Variants in HRH1 observed in about 807,000 individuals in gnomAD.
The protein encoded by HRH1 is histamine receptor H1.
A neutral mutation model predicts 10.3 loss-of-function variants in HRH1; 6 were observed. The ratio of observed to expected loss-of-function variants is 0.58; its 90% CI spans 0.32 to 1.15. The LOEUF (loss-of-function observed/expected upper bound fraction) is 1.15, where lower values mean the gene tolerates loss of function less well. Ranked by LOEUF, HRH1 falls within the 50% of genes most tolerant of loss-of-function variation. The pLI is 0.05. For synonymous variants in HRH1, 242 were observed against 236.7 expected, an observed-to-expected ratio of 1.02 and a Z score of -0.21; for missense variants, 514 against 615.3, an observed-to-expected ratio of 0.84 and a Z score of 1.74.
At chr3:11,215,166 C>G (rs1938446754) in intron 1 of HRH1, among the ~76,000 whole-genome samples, 1 of 152,154 alleles carries the variant, frequency 6.6e-6, no homozygotes. Context: ...AGGCTTTTAC[C>G]CTTGTCTGAT....
intron 1 of HRH1, among the ~76,000 whole-genome samples, chr3:11,192,491 G>T (rs1937561034): frequency 2.0e-5 from 3 of 152,170 alleles, no homozygotes; most frequent in Non-Finnish European, 4.4e-5. Flanking sequence ...GTAGGTGCAG[G>T]GTGCCCCATT....
chr3:11,225,334 C>G (rs1054172923), intron 1 of HRH1, among the ~76,000 whole-genome samples: 1 of 152,166 alleles, frequency 6.6e-6, no homozygotes, highest in Non-Finnish European at 1.5e-5. Flanking sequence ...CAGGCCTGGC[C>G]GGCTGGAGTC....
At chr3:11,239,549 T>A (rs1939278828) in intron 1 of HRH1, among the ~76,000 whole-genome samples, 2 of 152,224 alleles carry the variant, frequency 1.3e-5, no homozygotes, top group South Asian at 4.1e-4. Context: ...TTTTAAAAAT[T>A]CCTTATGCCT....
intron 1 of HRH1, among the ~76,000 whole-genome samples, chr3:11,211,774 C>G (rs1938334597): frequency 6.6e-6 from 1 of 152,210 alleles, no homozygotes; most frequent in Non-Finnish European, 1.5e-5. Context: ...AAATGTGCCT[C>G]CCTGTGGTCT....
intron 1 of HRH1, among the ~76,000 whole-genome samples, chr3:11,200,509 G>GAGGCC (rs1272826657): frequency 2.0e-5 from 3 of 152,124 alleles, no homozygotes; most frequent in Non-Finnish European, 4.4e-5. Flanking sequence ...AAGCTTCCTA[G>GAGGCC]AGGCCAGGCC....
At chr3:11,195,232 C>CA in intron 1 of HRH1, among the ~76,000 whole-genome samples, 1 of 152,180 alleles carries the variant, frequency 6.6e-6, no homozygotes, top group Non-Finnish European at 1.5e-5. Context: ...AAAACATCGT[C>CA]AAAAGTGGTT....
chr3:11,196,953 C>CAAAAAAAA (rs35134148), intron 1 of HRH1, among the ~76,000 whole-genome samples: 335 of 110,230 alleles, frequency 3.0e-3, no homozygotes, highest in Non-Finnish European at 3.4e-3. Context: ...ACTAAAAATA[C>CAAAAAAAA]AAAAAAAAAA....
intron 1 of HRH1, among the ~76,000 whole-genome samples, chr3:11,251,832 C>T (rs2152586601): frequency 6.6e-6 from 1 of 152,328 alleles, no homozygotes; most frequent in South Asian, 2.1e-4. Context: ...AATGGGGTTT[C>T]CTCCAAAAGT....
intron 1 of HRH1, among the ~76,000 whole-genome samples, chr3:11,258,607 T>C (rs1939847725): frequency 6.6e-6 from 1 of 152,188 alleles, no homozygotes; most frequent in Non-Finnish European, 1.5e-5. Flanking sequence ...TCTGCCACTG[T>C]AAAGAGGAAC....
Position 11,260,070 on chromosome 3 carries a change from G to A in HRH1, c.1033G>A (p.Glu345Lys), listed in dbSNP as rs761463073. Residue 345 changes from glutamate to lysine, a missense_variant, in exon 2 of 2, where the codon GAG (glutamate) becomes AAG (lysine). Physicochemically the swap from Glu to Lys is moderately conservative, Grantham distance 56 (BLOSUM62 1). Transcript: ENST00000431010. ...EQGLNTHGASEISEDQMLGDS... is the reference protein window; with the variant it reads ...EQGLNTHGASKISEDQMLGDS... ...GGGCCTGAACACACATGGGGCCAGCGAGATATCAGAGGATCAGATGTTAGG... is the reference window on the plus strand; with the variant it reads ...GGGCCTGAACACACATGGGGCCAGCAAGATATCAGAGGATCAGATGTTAGG... The A allele has an allele frequency of 1.7e-5, 27 of 1,614,000 alleles. No individual in the cohort carries two copies. In the East Asian group the frequency reaches 5.6e-4, roughly 33 times the overall value.
At chr3:11,185,735 G>A (rs380855) in intron 1 of HRH1, among the ~76,000 whole-genome samples, 19,303 of 152,192 alleles carry the variant, frequency 0.13, 1,551 homozygotes, top group Middle Eastern at 0.19. Context: ...GATGACACAG[G>A]CCAATAGTGG....
chr3:11,153,578 G>A (rs1936701038), upstream of HRH1, among the ~76,000 whole-genome samples: 3 of 148,230 alleles, frequency 2.0e-5, no homozygotes, highest in South Asian at 6.4e-4. Flanking sequence ...CTTCGAAACT[G>A]CTGGGGTAAA....
At chr3:11,168,627 A>G (rs1937093551) in intron 1 of HRH1, among the ~76,000 whole-genome samples, 1 of 152,228 alleles carries the variant, frequency 6.6e-6, no homozygotes, top group South Asian at 2.1e-4. Flanking sequence ...CATGAGCGTA[A>G]TCGTTGTGCC....
rs992659974 is a variant in HRH1, at chr3:11,261,055, C to T, written c.*554C>T. ...GACAGCTGTTCCACAGGGGCTATCC[C>T]TTCTCAGAAAACTTCTCTTCTGAGC... On this transcript the variant is annotated 3_prime_UTR_variant, in exon 2 of 2. Transcript: ENST00000431010. The T allele has an allele frequency of 1.2e-5, 2 of 167,290 alleles. No homozygotes were observed. Among genetic ancestry groups the T allele is most frequent in the African/African-American group, 4.8e-5 (2 of 41,458 alleles). The allele number at this position is 167,290 out of a possible 1,614,324, so 10.4% of individuals were successfully genotyped here.
chr3:11,199,298 T>G (rs1937804750), intron 1 of HRH1, among the ~76,000 whole-genome samples: 1 of 152,120 alleles, frequency 6.6e-6, no homozygotes, highest in Non-Finnish European at 1.5e-5. Flanking sequence ...ACCCCAGGAT[T>G]TGAGCAACTC....
At chr3:11,215,439 T>C (rs750295676) in intron 1 of HRH1, among the ~76,000 whole-genome samples, 3 of 151,998 alleles carry the variant, frequency 2.0e-5, no homozygotes, top group Non-Finnish European at 4.4e-5. Context: ...GTTTTTTTTG[T>C]TTTGTTTTTG....
intron 1 of HRH1, among the ~76,000 whole-genome samples, chr3:11,183,787 G>C (rs186044878): frequency 1.4e-4 from 21 of 150,760 alleles, no homozygotes; most frequent in African/African-American, 4.9e-4. Context: ...GTGCGATCTC[G>C]GCTCACTGCA....
chr3:11,172,091 C>T (rs924529510), intron 1 of HRH1, among the ~76,000 whole-genome samples: 1 of 152,230 alleles, frequency 6.6e-6, no homozygotes, highest in Non-Finnish European at 1.5e-5. Context: ...AAAATGATGA[C>T]ACAGTCTCCC....
At chr3:11,170,001 C>T (rs144112185) in intron 1 of HRH1, among the ~76,000 whole-genome samples, 17 of 152,166 alleles carry the variant, frequency 1.1e-4, no homozygotes, top group Non-Finnish European at 1.6e-4. Context: ...TTGTTAGGCC[C>T]ACCTCCCTCG....
Sources: allele counts gnomAD v4.1 joint callset (sites outside exome capture counted in the v4.1 genomes callset), GRCh38; gene constraint gnomAD v4.1.1; transcripts MANE v1.5; gene names NCBI Gene and HGNC (gene_info 2026-07-23, HGNC 2026-07-21).